PCDHA10: variants seen among roughly 807,000 people sequenced by gnomAD.
PCDHA10 encodes the protein protocadherin alpha-10.
A neutral mutation model predicts 61.2 loss-of-function variants in PCDHA10; 45 were observed. The ratio of observed to expected loss-of-function variants is 0.74; its 90% confidence interval spans 0.58 to 0.94. PCDHA10 has a LOEUF of 0.94. PCDHA10 is among the 40% of genes least tolerant of loss of function. The probability of loss-of-function intolerance (pLI) is 0.00; values close to 1 mark genes in which losing one functional copy is unlikely to be tolerated. For synonymous variants in PCDHA10, 602 were observed against 548.8 expected (o/e 1.10, Z -1.35); for missense variants, 1,278 against 1,236.2 (o/e 1.03, Z -0.51).
intron 1 of PCDHA10, chr5:140,881,353 G>C (rs537796043): frequency 1.0e-6 from 1 of 985,060 alleles, no homozygotes; most frequent in African/African-American, 1.7e-5. Flanking sequence ...GCTACAATGC[G>C]TGGCTTTCGT....
intron 1 of PCDHA10, chr5:140,968,630 TA>T: frequency 6.2e-7 from 1 of 1,614,192 alleles, no homozygotes; most frequent in Non-Finnish European, 8.5e-7. Flanking sequence ...TTGGCTTTTT[TA>T]CCATCTAGCC....
chr5:140,863,010 A>ACGCCTGGTTGT (rs782452232), intron 1 of PCDHA10: 1 of 552,120 alleles, frequency 1.8e-6, no homozygotes, highest in African/African-American at 1.9e-5. Context: ...TCCAGCTATG[A>ACGCCTGGTTGT]CGCCTGGTTG....
At position 140,870,851 on chromosome 5, in the gene PCDHA10, C is replaced by G. The variant is rs1562652583; in HGVS notation, c.2388+12415C>G. ...GCAGTTAACAAGCTAGTACCGCGGT[C>G]GGTGGGTGCGGGCCACGTGGTGGCG... is the stretch of plus-strand genomic sequence containing the variant. On this transcript the variant is annotated intron_variant, in intron 1 of 3. Transcript: ENST00000307360. The G allele has an allele frequency of 1.9e-6, 3 of 1,613,838 alleles. No homozygotes were observed. Among genetic ancestry groups the G allele is most frequent in the Non-Finnish European group, 2.5e-6 (3 of 1,179,894 alleles).
rs2098416892 is a variant in PCDHA10, at chr5:141,010,305, G to A, written c.*368G>A. ...TGACACTTGCAGGGCAGGCTGAAAA[G>A]TTTTGAGATTGAGCAGCTTGGGAGT... is the stretch of plus-strand genomic sequence containing the variant. On this transcript the variant is annotated 3_prime_UTR_variant, in exon 4 of 4. Coordinates refer to ENST00000307360, the MANE Select transcript of PCDHA10 (RefSeq NM_018901.4). 1 of 1,548,478 alleles carries A rather than the reference G, an allele frequency of 6.5e-7. No individual in the cohort carries two copies. The highest frequency in any genetic ancestry group is 2.4e-5 in the East Asian group (1 of 40,890).
At chr5:140,980,713 C>T (rs1034858406) in intron 2 of PCDHA10, among the ~76,000 whole-genome samples, 2 of 151,366 alleles carry the variant, frequency 1.3e-5, no homozygotes, top group Non-Finnish European at 2.9e-5. Flanking sequence ...TGCTCCTATT[C>T]GGGTTTCAAT....
In PCDHA10 at chr5:140,978,986, C is replaced by T. The variant is rs138901709; in HGVS notation, c.2426C>T (p.Ser809Phe). The change falls in exon 2 of 4, where the codon TCC (serine) becomes TTC (phenylalanine). Residue 809 changes from serine (S) to phenylalanine (F), a missense_variant. Physicochemically the swap from Ser to Phe is radical, Grantham distance 155. Transcript: ENST00000307360. ...AACCCTGACTGGCGTTACTCTGCCT[C>T]CCTGAGAGCAGGCATGCACAGGTAT... Reference protein sequence around the residue: ...QPNPDWRYSASLRAGMHSSVH... With the variant: ...QPNPDWRYSAFLRAGMHSSVH... 56 of 1,614,072 alleles carry T rather than the reference C, an allele frequency of 3.5e-5. No individual in the cohort carries two copies. The highest frequency in any genetic ancestry group is 4.5e-5 in the Non-Finnish European group (53 of 1,180,028).
At chr5:140,891,454 A>C (rs1562858065) in intron 1 of PCDHA10, among the ~76,000 whole-genome samples, 1 of 145,650 alleles carries the variant, frequency 6.9e-6, no homozygotes, top group East Asian at 2.1e-4. Context: ...AGGATTTTTG[A>C]ATTTGTGAAT....
At position 140,876,665 on chromosome 5, in the gene PCDHA10, T is replaced by C. The variant is rs781830697; in HGVS notation, c.2388+18229T>C. 98 of 1,614,080 alleles carry C rather than the reference T, an allele frequency of 6.1e-5. 1 individual carries two copies. The South Asian group carries it at 9.4e-4, about 16-fold the overall frequency. ...ACACCTCATGTTCCCTTCAAGCTGG[T>C]GTCCACCTACAAGAATTACTACTCG... On this transcript the variant is annotated intron_variant, in intron 1 of 3. Coordinates refer to ENST00000307360, the MANE Select transcript of PCDHA10 (RefSeq NM_018901.4).
intron 1 of PCDHA10, among the ~76,000 whole-genome samples, chr5:140,900,367 T>C (rs1554189080): frequency 6.6e-6 from 1 of 152,152 alleles, no homozygotes; most frequent in Non-Finnish European, 1.5e-5. Context: ...AACCTCTGCC[T>C]CCTGGGTTCA....
chr5:140,886,844 A>G (rs11748231), intron 1 of PCDHA10, among the ~76,000 whole-genome samples: 22,325 of 150,652 alleles, frequency 0.15, 1,711 homozygotes, highest in Middle Eastern at 0.2. Context: ...AAAAAAAAAA[A>G]AAAGAAAGGT....
intron 3 of PCDHA10, among the ~76,000 whole-genome samples, chr5:141,008,308 TA>T (rs1554261716): frequency 6.6e-6 from 1 of 152,214 alleles, no homozygotes; most frequent in East Asian, 1.9e-4. Flanking sequence ...CCCTAAACTG[TA>T]ATTGAACATA....
intron 1 of PCDHA10, among the ~76,000 whole-genome samples, chr5:140,894,629 T>C (rs1406335031): frequency 6.6e-6 from 1 of 152,036 alleles, no homozygotes; most frequent in African/African-American, 2.4e-5. Flanking sequence ...TCTTCTCCAA[T>C]CATATCATTA....
At position 140,927,384 on chromosome 5, in the gene PCDHA10, C is replaced by G. The variant is rs2084146194; in HGVS notation, c.2389-51565C>G. On this transcript the variant is annotated intron_variant, in intron 1 of 3. Transcript: ENST00000307360. Reference sequence around the variant, plus strand: ...ATGGGATACTAAGCTACAGCCTAAGCCCCAGTCAGCACTTTCGCCTGGACA... The same window carrying G: ...ATGGGATACTAAGCTACAGCCTAAGGCCCAGTCAGCACTTTCGCCTGGACA... 1 of 1,613,996 alleles carries G rather than the reference C, an allele frequency of 6.2e-7. No individual in the cohort carries two copies. The highest frequency in any genetic ancestry group is 1.7e-5 in the Admixed American group (1 of 60,010).
At chr5:140,910,619 C>T (rs1554194336) in intron 1 of PCDHA10, among the ~76,000 whole-genome samples, 1 of 152,226 alleles carries the variant, frequency 6.6e-6, no homozygotes, top group Non-Finnish European at 1.5e-5. Context: ...TAATCCACTC[C>T]ACCATCCCAA....
chr5:140,875,929 C>T (rs1554168093), intron 1 of PCDHA10: 4 of 1,614,154 alleles, frequency 2.5e-6, no homozygotes, highest in East Asian at 2.2e-5. Context: ...CTCTCATTTT[C>T]CTCTAGAGGG....
intron 1 of PCDHA10, among the ~76,000 whole-genome samples, chr5:140,923,834 T>G (rs2081542074): frequency 6.6e-6 from 1 of 152,210 alleles, no homozygotes; most frequent in South Asian, 2.1e-4. Flanking sequence ...AGTGGCAGTT[T>G]AAATAGAGAA....
intron 1 of PCDHA10, chr5:140,871,513 C>T (rs1554165693): frequency 6.4e-7 from 1 of 1,574,300 alleles, no homozygotes; most frequent in South Asian, 1.2e-5. Context: ...TCTACAGATT[C>T]CACCTATCAG....
At chr5:141,000,419 ATATTTTTTT>A (rs2097927194) in intron 3 of PCDHA10, among the ~76,000 whole-genome samples, 6 of 60,996 alleles carry the variant, frequency 9.8e-5, no homozygotes, top group Non-Finnish European at 1.1e-4. Flanking sequence ...ATATATATAT[ATATTTTTTT>A]TTTTTTTTTT....
rs1554262551 is a variant in PCDHA10, at chr5:141,009,910, C to T, written c.2820C>T (p.Asn940=). 1 of 1,612,616 alleles carries T rather than the reference C, an allele frequency of 6.2e-7. No individual in the cohort carries two copies. Among genetic ancestry groups the T allele is most frequent in the Middle Eastern group, 1.7e-4 (1 of 6,048 alleles). Residue 940 remains asparagine (N), a synonymous_variant, in exon 4 of 4, where the codon AAC becomes AAT. Transcript: ENST00000307360. ...NKTQEKKEKG[N]STTDNSDQ Reference sequence around the variant, plus strand: ...CCCAGGAGAAAAAAGAGAAAGGGAACAGCACGACTGACAACAGTGACCAGT... The same window carrying T: ...CCCAGGAGAAAAAAGAGAAAGGGAATAGCACGACTGACAACAGTGACCAGT...
Sources: allele counts gnomAD v4.1 joint callset (sites outside exome capture counted in the v4.1 genomes callset), GRCh38; gene constraint gnomAD v4.1.1; transcripts MANE v1.5; gene names NCBI Gene and HGNC (gene_info 2026-07-23, HGNC 2026-07-21).